The following ASIP variants were observed in gnomAD, a reference collection of about 807,000 sequenced individuals.
The protein encoded by ASIP is agouti-signaling protein.
In ASIP, 11 loss-of-function variants were observed where a neutral mutation model predicts 10.3. The ratio of observed to expected loss-of-function variants is 1.07; its 90% confidence interval spans 0.68 to 1.78. The LOEUF (loss-of-function observed/expected upper bound fraction) is 1.78, where lower values mean the gene tolerates loss of function less well. Among genes scored for constraint, ASIP ranks in the 40% most tolerant of loss-of-function variants. The pLI is 0.00. For missense variants in ASIP, 180 were observed against 169.2 expected (o/e 1.06, Z -0.35); for synonymous variants, 70 against 70.8 (o/e 0.99, Z 0.06).
At chr20:34,254,069 C>CA (rs2035529060) in intron 1 of ASIP, among the ~76,000 whole-genome samples, 1 of 151,214 alleles carries the variant, frequency 6.6e-6, no homozygotes, top group Non-Finnish European at 1.5e-5. Context: ...TGTTTTGTTT[C>CA]GTTTTTTTTT....
intron 1 of ASIP, chr20:34,213,765 G>C: frequency 1.3e-6 from 2 of 1,507,254 alleles, no homozygotes; most frequent in Non-Finnish European, 1.8e-6. Context: ...CTCCACTTCT[G>C]AGAATACCCT....
At chr20:34,220,639 G>A (rs1601577124) in intron 1 of ASIP, among the ~76,000 whole-genome samples, 1 of 152,100 alleles carries the variant, frequency 6.6e-6, no homozygotes, top group Non-Finnish European at 1.5e-5. Context: ...TGAGACCATG[G>A]AGAGCAAGCA....
intron 1 of ASIP, chr20:34,213,796 G>A: frequency 6.6e-7 from 1 of 1,506,676 alleles, no homozygotes; most frequent in Non-Finnish European, 9.2e-7. Flanking sequence ...ACAACTGAGG[G>A]CCAGCAAGAA....
chr20:34,219,245 T>A (rs1433553227), intron 1 of ASIP, among the ~76,000 whole-genome samples: 1 of 152,156 alleles, frequency 6.6e-6, no homozygotes, highest in Non-Finnish European at 1.5e-5. Context: ...GTGATCCTCT[T>A]GAGGAAGGAG....
At chr20:34,223,632 C>G (rs1413310400) in intron 1 of ASIP, among the ~76,000 whole-genome samples, 2 of 122,016 alleles carry the variant, frequency 1.6e-5, no homozygotes, top group Non-Finnish European at 3.3e-5. Flanking sequence ...CCGCCCCGTC[C>G]GGGAGGTGAG....
chr20:34,231,966 G>C (rs2122579783), intron 1 of ASIP, among the ~76,000 whole-genome samples: 1 of 152,308 alleles, frequency 6.6e-6, no homozygotes, highest in Admixed American at 6.5e-5. Flanking sequence ...TCTAACAGAA[G>C]ATATGAGACT....
chr20:34,215,751 T>C, intron 1 of ASIP: 1 of 1,487,664 alleles, frequency 6.7e-7, no homozygotes, highest in East Asian at 2.3e-5. Flanking sequence ...TGATCATCAC[T>C]ATATGTCCTC....
the ASIP span, among the ~76,000 whole-genome samples, chr20:34,189,250 T>G: frequency 6.6e-6 from 1 of 151,584 alleles, no homozygotes; most frequent in African/African-American, 2.4e-5. Context: ...AGGTTTGTTT[T>G]CTTTTTTTTG....
intron 1 of ASIP, among the ~76,000 whole-genome samples, chr20:34,224,483 A>G (rs1175167701): frequency 6.6e-6 from 1 of 151,778 alleles, no homozygotes; most frequent in Non-Finnish European, 1.5e-5. Flanking sequence ...AGGCTTTTAG[A>G]CGTCAAAAGG....
intron 1 of ASIP, among the ~76,000 whole-genome samples, chr20:34,197,244 G>A (rs2034864143): frequency 6.6e-6 from 1 of 152,118 alleles, no homozygotes; most frequent in Non-Finnish European, 1.5e-5. Flanking sequence ...GTGATGGCGG[G>A]TGCCTACTCT....
chr20:34,243,916 T>A (rs939856347), intron 1 of ASIP, among the ~76,000 whole-genome samples: 6 of 151,912 alleles, frequency 3.9e-5, no homozygotes, highest in Non-Finnish European at 7.4e-5. Flanking sequence ...TACAAAAAAA[T>A]TAACCGGGCG....
Position 34,217,655 on chromosome 20 carries a change from G to A in ASIP, c.-11+22895G>A, listed in dbSNP as rs112879172. 4.9e-4 allele frequency among the ~76,000 whole-genome samples: 74 copies of A among 151,986 alleles called. 1 individual carries two copies. The highest frequency in any genetic ancestry group is 6.8e-3 in the Middle Eastern group (2 of 294). On this transcript the variant is annotated intron_variant, in intron 1 of 3. Coordinates refer to the ASIP transcript ENST00000568305. The stretch of plus-strand genomic sequence containing the variant: ...CGGCTCACTGCAACCTCCGCCTCTT[G>A]GGTTCACGCCATTCTCCTGCCTCAG...
chr20:34,261,713 G>T (rs1004406386), intron 2 of ASIP, among the ~76,000 whole-genome samples: 5 of 151,738 alleles, frequency 3.3e-5, no homozygotes, highest in African/African-American at 4.8e-5. Flanking sequence ...GAGGCAGGAG[G>T]ATTGCTTGAG....
intron 1 of ASIP, among the ~76,000 whole-genome samples, chr20:34,257,331 C>T (rs937694934): frequency 6.6e-6 from 1 of 152,006 alleles, no homozygotes; most frequent in South Asian, 2.1e-4. Flanking sequence ...GTGATCCATT[C>T]GCTTCAGCCT....
the ASIP span, among the ~76,000 whole-genome samples, chr20:34,187,538 G>A: frequency 6.6e-5 from 10 of 152,284 alleles, no homozygotes; most frequent in African/African-American, 1.9e-4. Flanking sequence ...CGGTGTTTTC[G>A]TCTTTCTCTT....
chr20:34,252,345 GAGA>G (rs1555825863), intron 1 of ASIP, among the ~76,000 whole-genome samples: 1 of 152,170 alleles, frequency 6.6e-6, no homozygotes, highest in Non-Finnish European at 1.5e-5. Context: ...AACAGGTGGG[GAGA>G]AGGTCAGCAG....
At chr20:34,226,095 T>C (rs777118284) in intron 1 of ASIP, among the ~76,000 whole-genome samples, 11 of 151,998 alleles carry the variant, frequency 7.2e-5, no homozygotes, top group Non-Finnish European at 1.3e-4. Flanking sequence ...GGTTTCACCA[T>C]GTTGGGCAGG....
At chr20:34,199,324 A>T (rs1432460330) in intron 1 of ASIP, among the ~76,000 whole-genome samples, 1 of 152,114 alleles carries the variant, frequency 6.6e-6, no homozygotes, top group African/African-American at 2.4e-5. Flanking sequence ...AGAACATATG[A>T]GTGCATTTCT....
At position 34,260,462 on chromosome 20, in the gene ASIP, C is replaced by T. The variant is rs2035670320; in HGVS notation, c.88C>T (p.Leu30Phe). ...CAGCCACCTGCCACCTGAGGAGAAGCTCCGAGATGACAGGAGCCTGAGAAG... is the reference window on the plus strand; with the variant it reads ...CAGCCACCTGCCACCTGAGGAGAAGTTCCGAGATGACAGGAGCCTGAGAAG... ...ANSHLPPEEKLRDDRSLRSNS... is the reference protein window; with the variant it reads ...ANSHLPPEEKFRDDRSLRSNS... Residue 30 changes from leucine (L) to phenylalanine (F), a missense_variant, in exon 2 of 4, where the codon CTC becomes TTC. Transcript: ENST00000374954. 1.9e-6 allele frequency: 3 copies of T among 1,614,194 alleles called. No homozygotes were observed. Among genetic ancestry groups the T allele is most frequent in the Non-Finnish European group, 2.5e-6 (3 of 1,180,018 alleles).
Sources: gnomAD v4.1 joint callset for allele counts (sites outside exome capture counted in the v4.1 genomes callset) on GRCh38, gnomAD v4.1.1 for gene constraint, MANE v1.5 for transcripts, NCBI Gene and HGNC (gene_info 2026-07-23, HGNC 2026-07-21) for gene names.